Variants in FAR2 observed in about 807,000 individuals in gnomAD.
FAR2 encodes fatty acyl-CoA reductase 2.
In FAR2, 19 loss-of-function variants were observed where a neutral mutation model predicts 56.0. The ratio of observed to expected loss-of-function variants is 0.34; its 90% CI spans 0.24 to 0.50. FAR2 has a LOEUF of 0.50. Ranked by LOEUF, FAR2 falls within the 20% of genes least tolerant of loss-of-function variation. FAR2 has a pLI of 0.98. For synonymous variants in FAR2, 219 were observed against 218.8 expected (o/e 1.00, Z -0.01); for missense variants, 508 against 642.2 (o/e 0.79, Z 2.26).
intron 1 of FAR2, among the ~76,000 whole-genome samples, chr12:29,247,933 T>C (rs977178697): frequency 6.6e-6 from 1 of 152,258 alleles, no homozygotes; most frequent in African/African-American, 2.4e-5. Context: ...TGTTTCAACT[T>C]TTAACATCAG....
At chr12:29,304,021 T>C (rs1303246697) in intron 4 of FAR2, among the ~76,000 whole-genome samples, 1 of 152,200 alleles carries the variant, frequency 6.6e-6, no homozygotes, top group Non-Finnish European at 1.5e-5. Context: ...GGCTCAGAAA[T>C]ACCCTGCTTC....
At position 29,291,379 on chromosome 12, in the gene FAR2, A is replaced by T. The variant is rs1261572347; in HGVS notation, c.190-1921A>T. ...TCTCTGAGGGTGGAATAAAGAAATA[A>T]TTTTTAACCAGGTTCTTTGATTTTT... On this transcript the variant is annotated intron_variant, in intron 2 of 11. Transcript: ENST00000536681. The T allele has an allele frequency of 1.8e-5, 8 of 455,916 alleles. No homozygotes were observed. In the East Asian group the frequency reaches 4.2e-4, roughly 24 times the overall value. 28.2% of individuals were successfully genotyped at this position (455,916 alleles called of 1,614,324 possible).
intron 1 of FAR2, among the ~76,000 whole-genome samples, chr12:29,217,226 T>C (rs1484602207): frequency 2.6e-5 from 4 of 152,198 alleles, no homozygotes; most frequent in African/African-American, 9.6e-5. Flanking sequence ...GATGGGTGAA[T>C]GCTAGAGGTC....
chr12:29,256,003 G>A (rs1948310804), intron 1 of FAR2, among the ~76,000 whole-genome samples: 2 of 151,834 alleles, frequency 1.3e-5, no homozygotes, highest in South Asian at 2.1e-4. Context: ...CTGAGTTGCT[G>A]GGATTACAGG....
At chr12:29,149,512 G>A (rs1949663321) in intron 1 of FAR2, 105 bp downstream of exon 1, 1 of 152,376 alleles carries the variant, frequency 6.6e-6, no homozygotes, top group Non-Finnish European at 1.5e-5. Context: ...GGGTTCGCAG[G>A]GCGGGGCGGT....
chr12:29,192,214 C>T (rs1486516043), intron 1 of FAR2, among the ~76,000 whole-genome samples: 1 of 152,208 alleles, frequency 6.6e-6, no homozygotes, highest in African/African-American at 2.4e-5. Flanking sequence ...GAATAATTCT[C>T]TCCATTGTTT....
chr12:29,216,327 A>AG (rs1947621099), intron 1 of FAR2, among the ~76,000 whole-genome samples: 1 of 152,140 alleles, frequency 6.6e-6, no homozygotes, highest in Non-Finnish European at 1.5e-5. Context: ...GATACTGCCC[A>AG]ATACTGTTAT....
intron 1 of FAR2, among the ~76,000 whole-genome samples, chr12:29,239,548 T>G (rs1036216716): frequency 6.6e-6 from 1 of 151,832 alleles, no homozygotes; most frequent in African/African-American, 2.4e-5. Flanking sequence ...GGGCAGAGCA[T>G]CTTGAGTAAC....
intron 9 of FAR2, among the ~76,000 whole-genome samples, chr12:29,318,016 CCTTTATCTGTCTCG>C (rs1949483466): frequency 6.6e-6 from 1 of 152,166 alleles, no homozygotes; most frequent in Non-Finnish European, 1.5e-5. Flanking sequence ...AGGACATACG[CCTTTATCTGTCTCG>C]CTTGAATAAT....
chr12:29,292,456 G>A (rs1165067930), intron 2 of FAR2: 1 of 152,180 alleles, frequency 6.6e-6, no homozygotes, highest in Non-Finnish European at 1.5e-5. Flanking sequence ...TTCAACATAT[G>A]TTTGTTGTAC....
chr12:29,330,056 CTT>C (rs10693997), intron 10 of FAR2, among the ~76,000 whole-genome samples: 3 of 127,054 alleles, frequency 2.4e-5, no homozygotes, highest in Admixed American at 1.6e-4. Context: ...ACATTTATGA[CTT>C]TTTTTTTTTT....
chr12:29,181,898 A>C (rs867957324), intron 1 of FAR2, among the ~76,000 whole-genome samples: 1 of 152,256 alleles, frequency 6.6e-6, no homozygotes, highest in Non-Finnish European at 1.5e-5. Context: ...TATTTTTTTG[A>C]GTATAAATGG....
intron 6 of FAR2, 21 bp from the exon 7 acceptor site, chr12:29,311,007 T>C (rs752544002): frequency 1.9e-6 from 3 of 1,566,442 alleles, no homozygotes; most frequent in Non-Finnish European, 2.6e-6. Context: ...TTTAATATTT[T>C]ATGTTCTTTT....
chr12:29,252,164 G>A (rs1276110643), intron 1 of FAR2, among the ~76,000 whole-genome samples: 1 of 152,148 alleles, frequency 6.6e-6, no homozygotes, highest in Non-Finnish European at 1.5e-5. Flanking sequence ...AAATGGAACT[G>A]CTACTCCACA....
chr12:29,192,158 T>C (rs1054269033), intron 1 of FAR2, among the ~76,000 whole-genome samples: 2 of 152,234 alleles, frequency 1.3e-5, no homozygotes, highest in African/African-American at 2.4e-5. Context: ...TCTCACCGAA[T>C]TCAAATCACA....
At chr12:29,232,325 C>T (rs991151703) in intron 1 of FAR2, among the ~76,000 whole-genome samples, 1 of 152,146 alleles carries the variant, frequency 6.6e-6, no homozygotes, top group Non-Finnish European at 1.5e-5. Context: ...GCACCCTTGG[C>T]CAATATCCAA....
At chr12:29,184,881 C>A (rs1296756851) in intron 1 of FAR2, among the ~76,000 whole-genome samples, 3 of 152,246 alleles carry the variant, frequency 2.0e-5, no homozygotes, top group African/African-American at 7.2e-5. Context: ...GTGTTGAATT[C>A]TCAGTAGGAA....
intron 9 of FAR2, among the ~76,000 whole-genome samples, chr12:29,319,943 T>C (rs11050187): frequency 0.3 from 45,855 of 152,070 alleles, 7,038 homozygotes; most frequent in East Asian, 0.35. Flanking sequence ...GGCTCACACC[T>C]GTAACCCCAG....
chr12:29,187,913 T>C (rs1950059085), intron 1 of FAR2, among the ~76,000 whole-genome samples: 1 of 152,188 alleles, frequency 6.6e-6, no homozygotes, highest in South Asian at 2.1e-4. Context: ...AATCAGCCAG[T>C]TTCATTTCGT....
Sources: allele counts gnomAD v4.1 joint callset (sites outside exome capture counted in the v4.1 genomes callset), GRCh38; gene constraint gnomAD v4.1.1; transcripts MANE v1.5; gene names NCBI Gene and HGNC (gene_info 2026-07-23, HGNC 2026-07-21).